The following ASIC2 variants were observed in gnomAD, a reference collection of about 807,000 sequenced individuals.
The protein encoded by ASIC2 is acid sensing ion channel subunit 2, also known as acid-sensing ion channel 2.
In ASIC2, 25 loss-of-function variants were observed where a neutral mutation model predicts 57.3. The ratio of observed to expected loss-of-function variants is 0.44; its 90% CI spans 0.32 to 0.61. The LOEUF is 0.61. Ranked by LOEUF, ASIC2 falls within the 20% of genes least tolerant of loss-of-function variation. The pLI is 0.06. For missense variants in ASIC2, 641 were observed against 738.1 expected (o/e 0.87, Z 1.52); for synonymous variants, 319 against 307.5 (o/e 1.04, Z -0.39).
chr17:33,995,134 C>T (rs953631279), intron 1 of ASIC2, among the ~76,000 whole-genome samples: 5 of 152,126 alleles, frequency 3.3e-5, no homozygotes, highest in African/African-American at 1.2e-4. Context: ...CTGTGTCATC[C>T]CTGTAGACAG....
chr17:34,025,614 T>C (rs1907348181), intron 1 of ASIC2, among the ~76,000 whole-genome samples: 2 of 152,350 alleles, frequency 1.3e-5, no homozygotes, highest in South Asian at 4.1e-4. Flanking sequence ...CATTAAATTT[T>C]CCTTATTTCC....
chr17:33,071,293 C>T (rs1324657382), intron 3 of ASIC2, among the ~76,000 whole-genome samples: 1 of 152,018 alleles, frequency 6.6e-6, no homozygotes, highest in Non-Finnish European at 1.5e-5. Context: ...TTTAAAAATC[C>T]TTGTTTTTCT....
chr17:33,319,525 T>A (rs925325640), intron 1 of ASIC2, among the ~76,000 whole-genome samples: 1 of 152,360 alleles, frequency 6.6e-6, no homozygotes, highest in Admixed American at 6.5e-5. Context: ...TATGGGTACA[T>A]AATAGATGCA....
chr17:33,248,830 G>A (rs953027054), intron 1 of ASIC2, among the ~76,000 whole-genome samples: 2 of 152,184 alleles, frequency 1.3e-5, no homozygotes, highest in Non-Finnish European at 2.9e-5. Flanking sequence ...ATCCTACATG[G>A]TTTGTCCATC....
chr17:34,090,114 G>A (rs1567816897), intron 1 of ASIC2, among the ~76,000 whole-genome samples: 1 of 152,192 alleles, frequency 6.6e-6, no homozygotes. Context: ...GAGTCCACCA[G>A]TGCTATTCAA....
At chr17:34,097,442 G>T (rs1910587974) in intron 1 of ASIC2, among the ~76,000 whole-genome samples, 1 of 152,102 alleles carries the variant, frequency 6.6e-6, no homozygotes. Context: ...AAAACAGACA[G>T]GTTGAAATCA....
chr17:33,570,168 C>A lies in ASIC2; in HGVS notation c.556-458101G>T, dbSNP rs531317605. On this transcript the variant is annotated intron_variant, in intron 1 of 9. Coordinates refer to the ASIC2 transcript ENST00000359872. ...CTAAAGCTGTCAGCATCTGACTCAC[C>A]CTTTGGGTTTTTGACTTTTGTGTCC... 9.7e-4 allele frequency among the ~76,000 whole-genome samples: 148 copies of A among 152,288 alleles called. 2 individuals carry two copies. Among genetic ancestry groups the A allele is most frequent in the African/African-American group, 3.4e-3 (141 of 41,550 alleles).
At chr17:33,388,219 A>T (rs1909763603) in intron 1 of ASIC2, among the ~76,000 whole-genome samples, 1 of 152,276 alleles carries the variant, frequency 6.6e-6, no homozygotes, top group Non-Finnish European at 1.5e-5. Flanking sequence ...AGCAGCCAGC[A>T]GAAGCTGAAA....
intron 3 of ASIC2, among the ~76,000 whole-genome samples, chr17:33,041,548 G>A (rs2091929822): frequency 6.6e-6 from 1 of 152,160 alleles, no homozygotes. Flanking sequence ...CTTTCTCCCA[G>A]CCCCAGACCA....
chr17:33,920,556 A>G (rs1456906045), intron 1 of ASIC2, among the ~76,000 whole-genome samples: 1 of 151,852 alleles, frequency 6.6e-6, no homozygotes, highest in Non-Finnish European at 1.5e-5. Flanking sequence ...GGACTACCAG[A>G]GAAGGGAGAC....
At chr17:33,227,269 A>G (rs576705478) in intron 1 of ASIC2, among the ~76,000 whole-genome samples, 39 of 152,342 alleles carry the variant, frequency 2.6e-4, no homozygotes, top group African/African-American at 9.4e-4. Context: ...AAAGTCTTCT[A>G]GAATTGTGTC....
At chr17:34,012,387 T>C (rs921763706) in intron 1 of ASIC2, among the ~76,000 whole-genome samples, 3 of 152,226 alleles carry the variant, frequency 2.0e-5, no homozygotes, top group Middle Eastern at 3.2e-3. Flanking sequence ...TTGAAACATA[T>C]GCAATACCAC....
chr17:33,204,932 G>T (rs1184839689), intron 1 of ASIC2, among the ~76,000 whole-genome samples: 3 of 152,206 alleles, frequency 2.0e-5, no homozygotes, highest in African/African-American at 7.2e-5. Context: ...TTGATCCCTG[G>T]GTTGAGCCAT....
chr17:33,501,390 C>T (rs956410378), intron 1 of ASIC2, among the ~76,000 whole-genome samples: 3 of 152,140 alleles, frequency 2.0e-5, no homozygotes, highest in Non-Finnish European at 2.9e-5. Flanking sequence ...AATGCCAGTG[C>T]CAGCAGGGGC....
intron 1 of ASIC2, among the ~76,000 whole-genome samples, chr17:33,741,301 A>G (rs1439726016): frequency 6.6e-6 from 1 of 152,202 alleles, no homozygotes; most frequent in African/African-American, 2.4e-5. Flanking sequence ...GAATTGCTGC[A>G]TGTCACTGAC....
chr17:33,330,681 G>A (rs1009662989), intron 1 of ASIC2, among the ~76,000 whole-genome samples: 1 of 152,022 alleles, frequency 6.6e-6, no homozygotes, highest in Non-Finnish European at 1.5e-5. Flanking sequence ...GGCCTCTCCT[G>A]CATTGTGCTC....
chr17:33,080,441 G>A lies in ASIC2; in HGVS notation c.987+8422C>T, dbSNP rs1285272115. ...GGGAAATGAAGAATCAGGGATAAGCGAGTACTGCAGGCCCCCCTTATCCAC... is the reference window on the plus strand; with the variant it reads ...GGGAAATGAAGAATCAGGGATAAGCAAGTACTGCAGGCCCCCCTTATCCAC... On this transcript the variant is annotated intron_variant, in intron 3 of 9. Coordinates refer to ENST00000225823, the MANE Select transcript of ASIC2 (RefSeq NM_183377.2). Among the ~76,000 whole-genome samples, 8 of 152,138 alleles carry A rather than the reference G, an allele frequency of 5.3e-5. No individual in the cohort carries two copies. In the East Asian group the frequency reaches 5.8e-4, roughly 11 times the overall value.
At chr17:33,560,051 A>G (rs909814936) in intron 1 of ASIC2, among the ~76,000 whole-genome samples, 2 of 152,150 alleles carry the variant, frequency 1.3e-5, no homozygotes, top group Non-Finnish European at 2.9e-5. Context: ...TTTTTTTTCA[A>G]TCACCAAAGG....
chr17:33,880,087 C>G (rs1914661495), intron 1 of ASIC2, among the ~76,000 whole-genome samples: 1 of 152,190 alleles, frequency 6.6e-6, no homozygotes. Context: ...ACCAGAATCT[C>G]TGGGACACAT....
Sources: allele counts gnomAD v4.1 joint callset (sites outside exome capture counted in the v4.1 genomes callset), GRCh38; gene constraint gnomAD v4.1.1; transcripts MANE v1.5; gene names NCBI Gene and HGNC (gene_info 2026-07-23, HGNC 2026-07-21).